ULK4: variants seen among roughly 807,000 people sequenced by gnomAD.
ULK4 encodes the protein unc-51 like kinase 4.
In ULK4, 133 loss-of-function variants were observed where a neutral mutation model predicts 160.6. The observed-to-expected ratio is 0.83, with a 90% confidence interval of 0.72 to 0.96. The LOEUF is 0.96. ULK4 is among the 40% of genes least tolerant of loss of function. The pLI, the probability that ULK4 is intolerant of heterozygous loss-of-function variation, is 0.00. For synonymous variants in ULK4, 534 were observed against 539.8 expected, an observed-to-expected ratio of 0.99 and a Z score of 0.15; for missense variants, 1,580 against 1,499.5, an observed-to-expected ratio of 1.05 and a Z score of -0.89.
intron 30 of ULK4, among the ~76,000 whole-genome samples, chr3:41,638,367 T>A (rs59370036): frequency 0.049 from 7,517 of 152,234 alleles, 428 homozygotes; most frequent in African/African-American, 0.13. Context: ...AACTGACCAT[T>A]TGTTTATCCT....
chr3:41,931,650 C>T (rs748758504), intron 5 of ULK4, 194 bp downstream of exon 5: 156 of 604,622 alleles, frequency 2.6e-4, no homozygotes, highest in Non-Finnish European at 4.1e-4. Flanking sequence ...CCAGGCCTTA[C>T]AGAGTAGATC....
intron 34 of ULK4, among the ~76,000 whole-genome samples, chr3:41,430,547 T>C (rs1416628980): frequency 6.6e-6 from 1 of 152,146 alleles, no homozygotes; most frequent in Non-Finnish European, 1.5e-5. Flanking sequence ...GGCAGCTAAT[T>C]TTACAGCTAC....
intron 27 of ULK4, among the ~76,000 whole-genome samples, chr3:41,703,536 T>C (rs1391861888): frequency 1.3e-5 from 2 of 151,982 alleles, no homozygotes; most frequent in Non-Finnish European, 2.9e-5. Context: ...ATCTGAAATG[T>C]ATAAATTAGA....
At chr3:41,825,649 C>A (rs140525578) in intron 18 of ULK4, among the ~76,000 whole-genome samples, 1 of 152,144 alleles carries the variant, frequency 6.6e-6, no homozygotes, top group Non-Finnish European at 1.5e-5. Context: ...CCAAGAAATA[C>A]GGGACTATGT....
chr3:41,463,090 C>A lies in ULK4; in HGVS notation c.3390G>T (p.Leu1130Phe), dbSNP rs745682717. 6.2e-7 allele frequency: 1 copy of A among 1,612,656 alleles called. No homozygotes were observed. Among genetic ancestry groups the A allele is most frequent in the South Asian group, 1.1e-5 (1 of 90,966 alleles). Residue 1130 changes from leucine to phenylalanine, a missense_variant, in exon 33 of 37, where the codon TTG (leucine) becomes TTT (phenylalanine). Physicochemically the swap from Leu to Phe is conservative, Grantham distance 22 (BLOSUM62 0). Coordinates refer to ENST00000301831, the MANE Select transcript of ULK4 (RefSeq NM_017886.4). ...CACAGGAAAACAGATCCTCTACCTG[C>A]AAAGCCAGCCGTACAATACCGGAGG... is the stretch of plus-strand genomic sequence containing the variant. The part of the protein sequence containing the change: ...TYTSGIVRLA[L>F]QAQKSGSGED...
At chr3:41,506,792 A>ATATATG (rs2085406047) in intron 32 of ULK4, among the ~76,000 whole-genome samples, 1 of 91,924 alleles carries the variant, frequency 1.1e-5, no homozygotes, top group South Asian at 4.0e-4. Context: ...ATATATATAT[A>ATATATG]TATATATATA....
chr3:41,418,682 G>A (rs2082589850), intron 34 of ULK4, among the ~76,000 whole-genome samples: 1 of 113,282 alleles, frequency 8.8e-6, no homozygotes, highest in Admixed American at 8.1e-5. Context: ...AGGACCCTAA[G>A]AGGATGAGGT....
intron 22 of ULK4, among the ~76,000 whole-genome samples, chr3:41,733,271 C>G (rs1318701122): frequency 6.6e-6 from 1 of 151,994 alleles, no homozygotes. Flanking sequence ...AAGAACTACT[C>G]TTGGTTTAGA....
Position 41,835,846 on chromosome 3 carries a change from T to C in ULK4, c.1764+18A>G. On this transcript the variant is annotated intron_variant, in intron 18 of 36. Transcript: ENST00000301831. The stretch of plus-strand genomic sequence containing the variant: ...CAGAACATGTCAAACAGCAACAGAG[T>C]TAATCAGACAGTCTCACCTGGGTGG... The C allele has an allele frequency of 6.6e-7, 1 of 1,525,132 alleles. No individual in the cohort carries two copies. The allele number at this position is 1,525,132 out of a possible 1,614,324, so 94.5% of individuals were successfully genotyped here. A position where few individuals can be genotyped will look rare whatever the true frequency, so the allele number is the denominator to read the frequency against.
At chr3:41,823,210 G>C (rs971144632) in intron 18 of ULK4, among the ~76,000 whole-genome samples, 1 of 152,166 alleles carries the variant, frequency 6.6e-6, no homozygotes, top group African/African-American at 2.4e-5. Context: ...AAACAACTCA[G>C]AAGAAAATAT....
At chr3:41,593,829 C>T (rs1355392051) in intron 31 of ULK4, among the ~76,000 whole-genome samples, 1 of 151,766 alleles carries the variant, frequency 6.6e-6, no homozygotes, top group African/African-American at 2.4e-5. Context: ...CTCAGAAGCT[C>T]AGACCAGCCT....
chr3:41,830,153 G>A (rs139996326), intron 18 of ULK4, among the ~76,000 whole-genome samples: 1,906 of 152,232 alleles, frequency 0.013, 38 homozygotes, highest in African/African-American at 0.041. Context: ...TTGTGGGGTA[G>A]GGGGAGTGGG....
intron 5 of ULK4, 75 bp from the exon 6 acceptor site, chr3:41,919,893 C>T: frequency 1.2e-6 from 1 of 863,410 alleles, no homozygotes; most frequent in Non-Finnish European, 1.8e-6. Context: ...TAGGAAAGAT[C>T]TGATGAGATG....
At chr3:41,286,182 A>C (rs930263490) in intron 35 of ULK4, among the ~76,000 whole-genome samples, 5 of 152,074 alleles carry the variant, frequency 3.3e-5, no homozygotes, top group Non-Finnish European at 7.4e-5. Context: ...GATTTCCTTT[A>C]ATATTATTAT....
At chr3:41,851,841 A>G (rs2125674230) in intron 17 of ULK4, among the ~76,000 whole-genome samples, 1 of 152,330 alleles carries the variant, frequency 6.6e-6, no homozygotes, top group East Asian at 1.9e-4. Flanking sequence ...AAAGAACTAG[A>G]GAAGCAAGAG....
chr3:41,659,017 T>C (rs2035048749), intron 30 of ULK4, among the ~76,000 whole-genome samples: 1 of 152,226 alleles, frequency 6.6e-6, no homozygotes, highest in Non-Finnish European at 1.5e-5. Context: ...GTTTACATAA[T>C]TGTGTACCAT....
At chr3:41,863,171 G>A (rs1423015185) in intron 17 of ULK4, among the ~76,000 whole-genome samples, 2 of 152,112 alleles carry the variant, frequency 1.3e-5, no homozygotes, top group African/African-American at 4.8e-5. Flanking sequence ...ACTACACAAT[G>A]CAGTCCCTCC....
chr3:41,782,448 G>A (rs1211388470), intron 21 of ULK4, among the ~76,000 whole-genome samples: 2 of 151,908 alleles, frequency 1.3e-5, no homozygotes, highest in African/African-American at 4.8e-5. Context: ...AACTTACTGT[G>A]ACTCACCAAA....
intron 35 of ULK4, among the ~76,000 whole-genome samples, chr3:41,383,362 G>C (rs764496481): frequency 6.6e-6 from 1 of 152,124 alleles, no homozygotes. Context: ...GCCTCCCAAA[G>C]TGCTAGGATT....
Sources: allele counts gnomAD v4.1 joint callset (sites outside exome capture counted in the v4.1 genomes callset), GRCh38; gene constraint gnomAD v4.1.1; transcripts MANE v1.5; gene names NCBI Gene and HGNC (gene_info 2026-07-23, HGNC 2026-07-21).